Variants in MAP2K5 observed in about 807,000 individuals in gnomAD.
The protein encoded by MAP2K5 is dual specificity mitogen-activated protein kinase kinase 5.
A neutral mutation model predicts 83.1 loss-of-function variants in MAP2K5; 49 were observed. That is an observed-to-expected ratio of 0.59 (90% confidence interval 0.47 to 0.75). The LOEUF (loss-of-function observed/expected upper bound fraction) is 0.75. MAP2K5 is among the 30% of genes least tolerant of loss of function. MAP2K5 has a pLI of 0.00. For synonymous variants in MAP2K5, 202 were observed against 191.8 expected (o/e 1.05, Z -0.44); for missense variants, 457 against 557.5 (o/e 0.82, Z 1.82).
chr15:67,806,963 C>G lies in MAP2K5; in HGVS notation c.*213C>G. On this transcript the variant is annotated 3_prime_UTR_variant, in exon 22 of 22. Coordinates refer to ENST00000178640, the MANE Select transcript of MAP2K5 (RefSeq NM_145160.3). Reference sequence around the variant, plus strand: ...ATCCCCATACCTTCTGGTTTGAAGGCGCTGACACTGGCAGAGAGGTAAAGG... The same window carrying G: ...ATCCCCATACCTTCTGGTTTGAAGGGGCTGACACTGGCAGAGAGGTAAAGG... The G allele has an allele frequency of 6.5e-7, 1 of 1,539,670 alleles. No homozygotes were observed. The highest frequency in any genetic ancestry group is 8.7e-7 in the Non-Finnish European group (1 of 1,148,660).
intron 19 of MAP2K5, among the ~76,000 whole-genome samples, chr15:67,765,350 T>G (rs2090021544): frequency 6.8e-6 from 1 of 146,360 alleles, no homozygotes; most frequent in Non-Finnish European, 1.5e-5. Flanking sequence ...AGAGCGAGAC[T>G]CCATCTAATA....
chr15:67,727,771 C>T (rs1430024696), intron 16 of MAP2K5, 145 bp from the exon 17 acceptor site: 1 of 732,514 alleles, frequency 1.4e-6, no homozygotes, highest in Non-Finnish European at 2.5e-6. Context: ...AATGTAATTA[C>T]AGCAATAATT....
intron 9 of MAP2K5, among the ~76,000 whole-genome samples, chr15:67,642,015 C>G (rs1005884279): frequency 2.6e-5 from 4 of 152,160 alleles, no homozygotes; most frequent in Non-Finnish European, 5.9e-5. Flanking sequence ...TCAGAAATTA[C>G]TTTATTTGTT....
In MAP2K5 at chr15:67,668,274, A is replaced by T. The variant is rs998522055; in HGVS notation, c.847+3629A>T. 5.3e-5 allele frequency among the ~76,000 whole-genome samples: 8 copies of T among 152,200 alleles called. No homozygotes were observed. Among genetic ancestry groups the T allele is most frequent in the Non-Finnish European group, 1.5e-5 (1 of 68,032 alleles). Reference sequence around the variant, plus strand: ...AACCAAGCCAGGGAGAGAGTTTATTATACTTTATATTACTGAGTCAAAAAT... The same window carrying T: ...AACCAAGCCAGGGAGAGAGTTTATTTTACTTTATATTACTGAGTCAAAAAT... On this transcript the variant is annotated intron_variant, in intron 13 of 21. Coordinates refer to ENST00000178640, the MANE Select transcript of MAP2K5 (RefSeq NM_145160.3). This position sits in a 1 kb window ranked among gnomAD's most constrained non-coding sequence, Gnocchi z 4.0.
rs1221183412 is a variant in MAP2K5 at position 67,746,457 on chromosome 15, GA to G, written c.1075-1765del. 1.3e-5 allele frequency among the ~76,000 whole-genome samples: 2 copies of G among 150,136 alleles called. No individual in the cohort carries two copies. Among genetic ancestry groups the G allele is most frequent in the Admixed American group, 1.3e-4 (2 of 15,040 alleles). On this transcript the variant is annotated intron_variant, in intron 17 of 21. Transcript: ENST00000178640. This position sits in a 1 kb window ranked among gnomAD's most constrained non-coding sequence, Gnocchi z 4.1. ...GTGGGGGGAGTATCAGTGTGTGCTT[GA>G]AAAAAAAATAAAAGCAAACTCCATA... is the stretch of plus-strand genomic sequence containing the variant.
In MAP2K5 at chr15:67,572,935, A is replaced by G. The variant is rs1330846474; in HGVS notation, c.253-7819A>G. ...CTGGTCTCAAACTCCTGACCTTGTGATCTGCCTGCCTCGGCCTGCCAAAGT... is the reference window on the plus strand; with the variant it reads ...CTGGTCTCAAACTCCTGACCTTGTGGTCTGCCTGCCTCGGCCTGCCAAAGT... On this transcript the variant is annotated intron_variant, in intron 3 of 21. Transcript: ENST00000178640. This position sits in a 1 kb window ranked among gnomAD's most constrained non-coding sequence, Gnocchi z 4.2. 6.6e-6 allele frequency among the ~76,000 whole-genome samples: 1 copy of G among 152,098 alleles called. No homozygotes were observed. The highest frequency in any genetic ancestry group is 1.5e-5 in the Non-Finnish European group (1 of 68,028).
chr15:67,568,988 A>G (rs1268756553), intron 3 of MAP2K5, among the ~76,000 whole-genome samples: 2 of 143,274 alleles, frequency 1.4e-5, no homozygotes, highest in Non-Finnish European at 3.0e-5. Context: ...CCTGGGCGAC[A>G]GAGCAAGACT....
At position 67,748,753 on chromosome 15, in the gene MAP2K5, T is replaced by A; in HGVS notation, c.1134+152T>A. 1 of 660,136 alleles carries A rather than the reference T, an allele frequency of 1.5e-6. No individual in the cohort carries two copies. The allele number at this position is 660,136 out of a possible 1,614,324, so 40.9% of individuals were successfully genotyped here. ...AGCTATGTTACGTGAACTGGCCTTG[T>A]CCTGAATCCCACTCTTCTGATTCTG... On this transcript the variant is annotated intron_variant, in intron 19 of 21. Transcript: ENST00000178640. The surrounding 1 kb of genome is among the most constrained non-coding windows in gnomAD (Gnocchi z 4.0).
At chr15:67,585,718 T>C in intron 4 of MAP2K5, 172 bp from the exon 5 acceptor site, 1 of 586,580 alleles carries the variant, frequency 1.7e-6, no homozygotes, top group Non-Finnish European at 3.1e-6. Context: ...TGCTCACTCC[T>C]GCAAGTTAAA....
At position 67,748,159 on chromosome 15, in the gene MAP2K5, C is replaced by A; in HGVS notation, c.1075-72C>A. On this transcript the variant is annotated intron_variant, in intron 17 of 21. Coordinates refer to ENST00000178640, the MANE Select transcript of MAP2K5 (RefSeq NM_145160.3). This position sits in a 1 kb window ranked among gnomAD's most constrained non-coding sequence, Gnocchi z 4.0. ...GCCACCAGCAATGCAATAATTTTCT[C>A]TCAGTGATCATAATGTGTCCAAGTG... The A allele has an allele frequency of 9.3e-7, 1 of 1,076,866 alleles. No individual in the cohort carries two copies. The highest frequency in any genetic ancestry group is 1.4e-6 in the Non-Finnish European group (1 of 713,054). 66.7% of individuals were successfully genotyped at this position (1,076,866 alleles called of 1,614,324 possible).
intron 12 of MAP2K5, among the ~76,000 whole-genome samples, chr15:67,659,842 A>T (rs1357258939): frequency 6.6e-6 from 1 of 152,170 alleles, no homozygotes; most frequent in East Asian, 1.9e-4. Context: ...GTTCTTCCTG[A>T]ACTTCATAAA....
intron 12 of MAP2K5, among the ~76,000 whole-genome samples, chr15:67,663,539 A>C (rs1567344534): frequency 1.3e-5 from 2 of 152,150 alleles, no homozygotes; most frequent in Non-Finnish European, 2.9e-5. Flanking sequence ...AGCAGTTTCT[A>C]TTCTACCCAC....
chr15:67,657,772 A>T (rs971364746), intron 11 of MAP2K5, among the ~76,000 whole-genome samples: 5 of 152,076 alleles, frequency 3.3e-5, no homozygotes, highest in Non-Finnish European at 7.4e-5. Flanking sequence ...GTATACTTGC[A>T]TACATATGTT....
At chr15:67,549,796 TA>T (rs2084471389) in intron 1 of MAP2K5, among the ~76,000 whole-genome samples, 1 of 152,222 alleles carries the variant, frequency 6.6e-6, no homozygotes, top group Non-Finnish European at 1.5e-5. Flanking sequence ...GAACTGAGAA[TA>T]AAATATGTTA....
chr15:67,793,737 A>G lies in MAP2K5; in HGVS notation c.1243-12909A>G, dbSNP rs1465415533. On this transcript the variant is annotated intron_variant, in intron 21 of 21. Coordinates refer to ENST00000178640, the MANE Select transcript of MAP2K5 (RefSeq NM_145160.3). The surrounding 1 kb of genome is among the most constrained non-coding windows in gnomAD (Gnocchi z 4.6). ...ATTTGGAAACTGGCCATTTCACTGTATAGAAAATATACTCTTTGATCACGT... is the reference window on the plus strand; with the variant it reads ...ATTTGGAAACTGGCCATTTCACTGTGTAGAAAATATACTCTTTGATCACGT... Among the ~76,000 whole-genome samples, 2 of 152,236 alleles carry G rather than the reference A, an allele frequency of 1.3e-5. No individual in the cohort carries two copies. The highest frequency in any genetic ancestry group is 2.9e-5 in the Non-Finnish European group (2 of 68,030).
chr15:67,782,604 G>A lies in MAP2K5; in HGVS notation c.1242+9852G>A, dbSNP rs896475195. Among the ~76,000 whole-genome samples the A allele has an allele frequency of 6.6e-6, 1 of 152,284 alleles. No homozygotes were observed. The highest frequency in any genetic ancestry group is 1.5e-5 in the Non-Finnish European group (1 of 68,016). ...AGCTAATTGTCTATGAAGGGCCCCC[G>A]TGTTTAAACGGGCTTGACAGGAATT... On this transcript the variant is annotated intron_variant, in intron 21 of 21. Coordinates refer to ENST00000178640, the MANE Select transcript of MAP2K5 (RefSeq NM_145160.3). The surrounding 1 kb of genome is among the most constrained non-coding windows in gnomAD (Gnocchi z 4.9).
rs541159285 is a variant in MAP2K5, at chr15:67,583,920, T to A, written c.323-1970T>A. ...TGCCACCACGCTGGGCATTTTTTTTTAATTTTTTAATAGCGACAAGGTATC... is the reference window on the plus strand; with the variant it reads ...TGCCACCACGCTGGGCATTTTTTTTAAATTTTTTAATAGCGACAAGGTATC... On this transcript the variant is annotated intron_variant, in intron 4 of 21. Transcript: ENST00000178640. Among the ~76,000 whole-genome samples, 525 of 152,066 alleles carry A rather than the reference T, an allele frequency of 3.5e-3. 2 individuals carry two copies. Among genetic ancestry groups the A allele is most frequent in the Non-Finnish European group, 5.7e-3 (388 of 67,994 alleles).
Position 67,698,928 on chromosome 15 carries a change from G to T in MAP2K5, c.973-4409G>T, listed in dbSNP as rs183141720. On this transcript the variant is annotated intron_variant, in intron 15 of 21. Coordinates refer to ENST00000178640, the MANE Select transcript of MAP2K5 (RefSeq NM_145160.3). This position sits in a 1 kb window ranked among gnomAD's most constrained non-coding sequence, Gnocchi z 4.5. Reference sequence around the variant, plus strand: ...TTTAATCTTCACACAACCCCAGGAGGTATACGTATTACTACTATTATTTAT... The same window carrying T: ...TTTAATCTTCACACAACCCCAGGAGTTATACGTATTACTACTATTATTTAT... Among the ~76,000 whole-genome samples the T allele has an allele frequency of 6.6e-6, 1 of 152,210 alleles. No individual in the cohort carries two copies. Among genetic ancestry groups the T allele is most frequent in the African/African-American group, 2.4e-5 (1 of 41,546 alleles).
At chr15:67,745,773 G>A (rs1329617996) in intron 17 of MAP2K5, among the ~76,000 whole-genome samples, 1 of 152,164 alleles carries the variant, frequency 6.6e-6, no homozygotes, top group East Asian at 1.9e-4. Context: ...TTGAGAAAAT[G>A]AATCAATTAC....
Sources: allele counts gnomAD v4.1 joint callset (sites outside exome capture counted in the v4.1 genomes callset), GRCh38; gene constraint gnomAD v4.1.1; non-coding constraint Gnocchi (gnomAD v3.1); transcripts MANE v1.5; gene names NCBI Gene and HGNC (gene_info 2026-07-23, HGNC 2026-07-21).